Variants in KDM4C observed in about 807,000 individuals in gnomAD.
KDM4C encodes the protein lysine-specific demethylase 4C.
A neutral mutation model predicts 129.3 loss-of-function variants in KDM4C; 81 were observed. The ratio of observed to expected loss-of-function variants is 0.63; its 90% CI spans 0.52 to 0.75. The LOEUF (loss-of-function observed/expected upper bound fraction) is 0.75. KDM4C is among the 30% of genes least tolerant of loss of function. The pLI is 0.00. For synonymous variants in KDM4C, 573 were observed against 456.1 expected, an observed-to-expected ratio of 1.26 and a Z score of -3.26; for missense variants, 1,457 against 1,304.0, an observed-to-expected ratio of 1.12 and a Z score of -1.81.
At chr9:6,770,708 G>C (rs820510) in intron 1 of KDM4C, among the ~76,000 whole-genome samples, 116,106 of 139,164 alleles carry the variant, frequency 0.83, 48,528 homozygotes, top group African/African-American at 0.96. Flanking sequence ...GTTTTTCAAC[G>C]TCTTTTTTTT....
chr9:7,015,868 C>A lies in KDM4C; in HGVS notation c.2198C>A (p.Pro733His), dbSNP rs370153382. 5 of 1,611,556 alleles carry A rather than the reference C, an allele frequency of 3.1e-6. No homozygotes were observed. Among genetic ancestry groups the A allele is most frequent in the Non-Finnish European group, 4.2e-6 (5 of 1,178,100 alleles). Residue 733 changes from proline (P) to histidine (H), a missense_variant, in exon 15 of 22, where the codon CCT becomes CAT. Transcript: ENST00000381309. ...TATTTTATAGGTTGTTATGGTATTC[C>A]TTCTCATGAGATCTGTGATGGATGG... is the stretch of plus-strand genomic sequence containing the variant. Reference protein sequence around the residue: ...VRVHASCYGIPSHEICDGWLC... With the variant: ...VRVHASCYGIHSHEICDGWLC...
intron 14 of KDM4C, 51 bp from the exon 15 acceptor site, chr9:7,015,802 T>C: frequency 7.9e-7 from 1 of 1,260,188 alleles, no homozygotes; most frequent in East Asian, 2.3e-5. Flanking sequence ...ATCTGCAATA[T>C]TTTAAAGGTG....
chr9:6,956,736 A>G (rs950808342), intron 8 of KDM4C, among the ~76,000 whole-genome samples: 3 of 152,254 alleles, frequency 2.0e-5, no homozygotes, highest in East Asian at 3.8e-4. Flanking sequence ...GACCAGGCCC[A>G]GGGACCTCAT....
chr9:6,809,762 G>T (rs1438818455), intron 3 of KDM4C, among the ~76,000 whole-genome samples: 2 of 152,190 alleles, frequency 1.3e-5, no homozygotes, highest in Non-Finnish European at 2.9e-5. Context: ...ACTTTGGGAA[G>T]CCGAGGTAGG....
intron 1 of KDM4C, among the ~76,000 whole-genome samples, chr9:6,723,033 A>C (rs1221682464): frequency 2.0e-5 from 3 of 152,058 alleles, no homozygotes; most frequent in Non-Finnish European, 4.4e-5. Flanking sequence ...AACAAAACTC[A>C]AACAGCAAGA....
At chr9:6,915,574 T>A (rs1490587779) in intron 8 of KDM4C, among the ~76,000 whole-genome samples, 2 of 152,240 alleles carry the variant, frequency 1.3e-5, no homozygotes, top group Admixed American at 6.5e-5. Context: ...CAAAATTTGA[T>A]TATTTTTAAC....
At chr9:6,865,011 T>TC (rs1329883678) in intron 5 of KDM4C, among the ~76,000 whole-genome samples, 2 of 148,126 alleles carry the variant, frequency 1.4e-5, no homozygotes, top group African/African-American at 4.9e-5. Flanking sequence ...TTTCTTTCTT[T>TC]TTTTTTTTTT....
intron 1 of KDM4C, among the ~76,000 whole-genome samples, chr9:6,782,445 A>T (rs530756666): frequency 6.6e-6 from 1 of 152,276 alleles, no homozygotes; most frequent in East Asian, 1.9e-4. Context: ...TCATTAGTGA[A>T]ATAGGGATAT....
intron 17 of KDM4C, among the ~76,000 whole-genome samples, chr9:7,088,033 C>T (rs1486255952): frequency 2.6e-5 from 4 of 152,246 alleles, no homozygotes; most frequent in Admixed American, 2.6e-4. Context: ...TGGGCTCCCA[C>T]TTAGATCTAT....
chr9:7,011,415 G>C (rs1199235754), intron 12 of KDM4C, among the ~76,000 whole-genome samples: 1 of 152,158 alleles, frequency 6.6e-6, no homozygotes, highest in Non-Finnish European at 1.5e-5. Context: ...AAGTAATGTG[G>C]GAAGGAGGGA....
At chr9:6,887,881 G>C in intron 6 of KDM4C, 79 bp from the exon 7 acceptor site, 2 of 858,312 alleles carry the variant, frequency 2.3e-6, no homozygotes, top group Non-Finnish European at 4.0e-6. Flanking sequence ...AAGAACACTA[G>C]AACTTACACA....
chr9:7,134,883 C>G (rs1841025284), intron 19 of KDM4C, among the ~76,000 whole-genome samples: 1 of 152,220 alleles, frequency 6.6e-6, no homozygotes, highest in Non-Finnish European at 1.5e-5. Flanking sequence ...TTCATCAACT[C>G]TGTAAACCTT....
intron 15 of KDM4C, among the ~76,000 whole-genome samples, chr9:7,026,971 T>C (rs770558957): frequency 5.9e-5 from 9 of 152,128 alleles, no homozygotes; most frequent in Non-Finnish European, 1.3e-4. Flanking sequence ...TAAGTTTATC[T>C]GATATAATTT....
At chr9:6,749,341 G>C (rs1777433192) in intron 1 of KDM4C, among the ~76,000 whole-genome samples, 1 of 151,982 alleles carries the variant, frequency 6.6e-6, no homozygotes, top group East Asian at 1.9e-4. Context: ...AAAGGTGTCA[G>C]GATATCAATA....
intron 1 of KDM4C, among the ~76,000 whole-genome samples, chr9:6,744,402 G>C (rs1192398522): frequency 6.6e-6 from 1 of 152,100 alleles, no homozygotes; most frequent in African/African-American, 2.4e-5. Context: ...GCGTGCGCCT[G>C]TAATCCCAGC....
intron 19 of KDM4C, among the ~76,000 whole-genome samples, chr9:7,163,035 C>G (rs1016731801): frequency 2.0e-5 from 3 of 151,978 alleles, no homozygotes; most frequent in Non-Finnish European, 4.4e-5. Context: ...GACAGGCTTA[C>G]CTAGTGATGG....
chr9:6,730,714 C>G (rs1817304202), intron 1 of KDM4C, among the ~76,000 whole-genome samples: 1 of 152,050 alleles, frequency 6.6e-6, no homozygotes, highest in Admixed American at 6.6e-5. Flanking sequence ...CAGAGAGACT[C>G]CAGGGATGCC....
At chr9:6,750,826 T>G (rs1351793691) in intron 1 of KDM4C, among the ~76,000 whole-genome samples, 1 of 152,182 alleles carries the variant, frequency 6.6e-6, no homozygotes, top group Non-Finnish European at 1.5e-5. Context: ...TTTTTTACTA[T>G]TCTCTGGGTT....
intron 1 of KDM4C, among the ~76,000 whole-genome samples, chr9:6,773,631 T>G (rs989192316): frequency 6.6e-6 from 1 of 151,904 alleles, no homozygotes; most frequent in Non-Finnish European, 1.5e-5. Flanking sequence ...ATTAGCTGGG[T>G]GTGTTAGCGC....
Sources: allele counts gnomAD v4.1 joint callset (sites outside exome capture counted in the v4.1 genomes callset), GRCh38; gene constraint gnomAD v4.1.1; transcripts MANE v1.5; gene names NCBI Gene and HGNC (gene_info 2026-07-23, HGNC 2026-07-21).